Variants in PRDM5 observed in about 807,000 individuals in gnomAD.
PRDM5 encodes the protein PR domain zinc finger protein 5.
In PRDM5, 56 loss-of-function variants were observed where a neutral mutation model predicts 81.2. The ratio of observed to expected loss-of-function variants is 0.69; its 90% CI spans 0.56 to 0.86. PRDM5 has a LOEUF of 0.86. Among genes scored for constraint, PRDM5 ranks in the 40% least tolerant of loss-of-function variants. The probability of loss-of-function intolerance (pLI) is 0.00; values close to 1 mark genes in which losing one functional copy is unlikely to be tolerated. For synonymous variants in PRDM5, 267 were observed against 256.4 expected (o/e 1.04, Z -0.39); for missense variants, 697 against 770.1 (o/e 0.91, Z 1.12).
intron 3 of PRDM5, among the ~76,000 whole-genome samples, chr4:120,823,316 A>T (rs1755534402): frequency 1.3e-5 from 2 of 152,228 alleles, no homozygotes; most frequent in African/African-American, 4.8e-5. Context: ...CTGTAATAAA[A>T]GAAAATTTTC....
intron 15 of PRDM5, among the ~76,000 whole-genome samples, chr4:120,707,655 A>C (rs766475941): frequency 6.6e-5 from 10 of 151,982 alleles, no homozygotes; most frequent in Non-Finnish European, 1.3e-4. Context: ...CAAAAACATG[A>C]TCAAATAGAG....
intron 2 of PRDM5, among the ~76,000 whole-genome samples, chr4:120,856,527 C>A (rs1759892709): frequency 6.6e-6 from 1 of 152,144 alleles, no homozygotes. Context: ...AACACTCCAC[C>A]AAAGCTGGTA....
In PRDM5 at chr4:120,693,268, C is replaced by A. The variant is rs915798598; in HGVS notation, c.*1843G>T. The stretch of plus-strand genomic sequence containing the variant: ...TCACATAATCGGGATATAAAGCATC[C>A]CATATAGAGAAAGCAGCATTCAAAG... On this transcript the variant is annotated 3_prime_UTR_variant, in exon 16 of 16. Transcript: ENST00000264808. 1 of 151,956 alleles carries A rather than the reference C, an allele frequency of 6.6e-6. No homozygotes were observed. Among genetic ancestry groups the A allele is most frequent in the Non-Finnish European group, 1.5e-5 (1 of 67,996 alleles). 9.4% of individuals were successfully genotyped at this position (151,956 alleles called of 1,614,324 possible). A position where few individuals can be genotyped will look rare whatever the true frequency, so the allele number is the denominator to read the frequency against.
At chr4:120,813,606 A>C (rs1194063516) in intron 7 of PRDM5, among the ~76,000 whole-genome samples, 1 of 152,236 alleles carries the variant, frequency 6.6e-6, no homozygotes, top group African/African-American at 2.4e-5. Context: ...AGCCAAGAAA[A>C]TGCTTCTCAG....
chr4:120,861,400 T>C (rs887389813), intron 2 of PRDM5, among the ~76,000 whole-genome samples: 2 of 152,162 alleles, frequency 1.3e-5, no homozygotes, highest in African/African-American at 4.8e-5. Flanking sequence ...GTAGCAAAAT[T>C]CTAATCATAA....
At chr4:120,878,896 A>T (rs1223849178) in intron 2 of PRDM5, among the ~76,000 whole-genome samples, 8 of 152,236 alleles carry the variant, frequency 5.3e-5, no homozygotes, top group Non-Finnish European at 8.8e-5. Flanking sequence ...CCAAATGCTG[A>T]CAAGGACATG....
intron 14 of PRDM5, among the ~76,000 whole-genome samples, chr4:120,717,006 G>C (rs1737873798): frequency 6.6e-6 from 1 of 151,684 alleles, no homozygotes; most frequent in African/African-American, 2.4e-5. Flanking sequence ...AGTGGTACAG[G>C]GGATAAGATT....
chr4:120,720,444 C>G (rs1411113648), intron 14 of PRDM5, among the ~76,000 whole-genome samples: 1 of 152,178 alleles, frequency 6.6e-6, no homozygotes, highest in African/African-American at 2.4e-5. Context: ...AAATTCGCAA[C>G]AGAATCGTGG....
chr4:120,714,871 GA>G (rs1737523066), intron 14 of PRDM5, among the ~76,000 whole-genome samples: 1 of 152,158 alleles, frequency 6.6e-6, no homozygotes, highest in South Asian at 2.1e-4. Flanking sequence ...GTTTTCTGGT[GA>G]GGCAGATATT....
intron 14 of PRDM5, among the ~76,000 whole-genome samples, chr4:120,722,115 A>G (rs1402216311): frequency 2.0e-5 from 3 of 152,186 alleles, no homozygotes; most frequent in Non-Finnish European, 2.9e-5. Context: ...CTAAGCAGCC[A>G]AGACAGGGTG....
At chr4:120,816,211 C>T (rs1754460292) in intron 7 of PRDM5, 1 of 588,442 alleles carries the variant, frequency 1.7e-6, no homozygotes, top group Admixed American at 3.1e-5. Flanking sequence ...CATAACTAGA[C>T]TTTAACTAAG....
intron 13 of PRDM5, among the ~76,000 whole-genome samples, chr4:120,763,029 C>T (rs1183368835): frequency 1.3e-5 from 2 of 152,130 alleles, no homozygotes. Flanking sequence ...ACAATTTTAT[C>T]ATCTGATTCA....
intron 2 of PRDM5, among the ~76,000 whole-genome samples, chr4:120,865,598 G>A (rs900161116): frequency 2.6e-5 from 4 of 152,150 alleles, no homozygotes; most frequent in African/African-American, 7.2e-5. Context: ...GGGTTATAGC[G>A]ATGCATGGTT....
chr4:120,763,939 A>C (rs1431785337), intron 13 of PRDM5, among the ~76,000 whole-genome samples: 79 of 151,738 alleles, frequency 5.2e-4, no homozygotes, highest in Admixed American at 5.0e-3. Flanking sequence ...AAAAAAAAAA[A>C]CAGCTAGAGA....
intron 14 of PRDM5, among the ~76,000 whole-genome samples, chr4:120,741,107 C>T (rs1741865853): frequency 6.6e-6 from 1 of 152,130 alleles, no homozygotes; most frequent in South Asian, 2.1e-4. Flanking sequence ...CTTGCTTTTG[C>T]ATCTGTTTCC....
At chr4:120,744,067 T>C (rs921815922) in intron 14 of PRDM5, among the ~76,000 whole-genome samples, 2 of 152,026 alleles carry the variant, frequency 1.3e-5, no homozygotes, top group Admixed American at 1.3e-4. Flanking sequence ...GAAGAGAAAT[T>C]ATAACAAACT....
intron 14 of PRDM5, among the ~76,000 whole-genome samples, chr4:120,750,305 GC>G (rs1284826824): frequency 6.6e-6 from 1 of 152,074 alleles, no homozygotes; most frequent in Admixed American, 6.5e-5. Flanking sequence ...TAGAGCAGGG[GC>G]CCCAGGAAAG....
At chr4:120,851,175 A>T (rs1222874642) in intron 3 of PRDM5, among the ~76,000 whole-genome samples, 1 of 152,142 alleles carries the variant, frequency 6.6e-6, no homozygotes, top group Non-Finnish European at 1.5e-5. Context: ...AAACTGAAGG[A>T]ATTTGGAGAA....
At chr4:120,827,709 A>G (rs547774613) in intron 3 of PRDM5, among the ~76,000 whole-genome samples, 21 of 152,172 alleles carry the variant, frequency 1.4e-4, no homozygotes, top group African/African-American at 5.1e-4. Context: ...CAGAAAATCA[A>G]TCCGTGGGTA....
Sources: gnomAD v4.1 joint callset for allele counts (sites outside exome capture counted in the v4.1 genomes callset) on GRCh38, gnomAD v4.1.1 for gene constraint, MANE v1.5 for transcripts, NCBI Gene and HGNC (gene_info 2026-07-23, HGNC 2026-07-21) for gene names.